Variants in VLDLR observed in about 807,000 individuals in gnomAD.
VLDLR encodes the protein very low-density lipoprotein receptor.
In VLDLR, 81 loss-of-function variants were observed where a neutral mutation model predicts 112.7. The observed-to-expected ratio is 0.72, with a 90% CI of 0.60 to 0.86. The LOEUF (loss-of-function observed/expected upper bound fraction) is 0.86, where lower values mean the gene tolerates loss of function less well. Ranked by LOEUF, VLDLR falls within the 40% of genes least tolerant of loss-of-function variation. The probability of loss-of-function intolerance (pLI) is 0.00; values close to 1 mark genes in which losing one functional copy is unlikely to be tolerated. For synonymous variants in VLDLR, 436 were observed against 384.8 expected, an observed-to-expected ratio of 1.13 and a Z score of -1.56; for missense variants, 1,237 against 1,099.4, an observed-to-expected ratio of 1.13 and a Z score of -1.77.
At chr9:2,646,926 G>A (rs942628626) in intron 11 of VLDLR, among the ~76,000 whole-genome samples, 4 of 152,174 alleles carry the variant, frequency 2.6e-5, no homozygotes, top group South Asian at 2.1e-4. Flanking sequence ...AAACCTAAAC[G>A]ACAGCCTGAA....
intron 1 of VLDLR, among the ~76,000 whole-genome samples, chr9:2,631,539 A>G (rs139962383): frequency 1.7e-4 from 26 of 152,326 alleles, no homozygotes; most frequent in African/African-American, 6.3e-4. Flanking sequence ...GGAGGTCATT[A>G]TGCTAAGGGA....
intron 2 of VLDLR, among the ~76,000 whole-genome samples, chr9:2,637,025 G>C (rs1817622103): frequency 6.6e-6 from 1 of 152,156 alleles, no homozygotes; most frequent in Non-Finnish European, 1.5e-5. Context: ...CACATGGTAG[G>C]AGAGTTTGGC....
chr9:2,638,429 T>C (rs1427657879), intron 2 of VLDLR, among the ~76,000 whole-genome samples: 2 of 152,228 alleles, frequency 1.3e-5, no homozygotes, highest in Middle Eastern at 3.2e-3. Flanking sequence ...GTTCATCAAA[T>C]TGTGAATTTT....
rs749973924 is a variant in VLDLR, at chr9:2,641,458, G to A, written c.407G>A (p.Gly136Asp). ...QCIPVSWRCD[G>D]ENDCDSGEDE... is the part of the protein sequence containing the mutation. ...ATCCCAGTGTCCTGGAGATGTGATG[G>A]TGAAAATGATTGTGACAGTGGAGAA... Residue 136 changes from glycine (G) to aspartate (D), a missense_variant, in exon 4 of 19, where the codon GGT (glycine) becomes GAT (aspartate). Coordinates refer to ENST00000382100, the MANE Select transcript of VLDLR (RefSeq NM_003383.5). The A allele has an allele frequency of 1.2e-6, 2 of 1,614,208 alleles. No individual in the cohort carries two copies. Among genetic ancestry groups the A allele is most frequent in the Non-Finnish European group, 1.7e-6 (2 of 1,180,034 alleles).
At chr9:2,652,629 C>A in intron 17 of VLDLR, 151 bp from the exon 18 acceptor site, 2 of 1,045,654 alleles carry the variant, frequency 1.9e-6, no homozygotes, top group Admixed American at 2.1e-5. Context: ...AGCTCCTGGC[C>A]CATGTGTATT....
intron 15 of VLDLR, 75 bp from the exon 16 acceptor site, chr9:2,651,340 A>ATGGCT: frequency 7.7e-7 from 1 of 1,304,932 alleles, no homozygotes; most frequent in Non-Finnish European, 1.1e-6. Flanking sequence ...AACCTTTTAC[A>ATGGCT]TGGCTTGTCT....
intron 1 of VLDLR, among the ~76,000 whole-genome samples, chr9:2,633,882 G>C (rs1312019470): frequency 6.6e-6 from 1 of 152,162 alleles, no homozygotes; most frequent in Admixed American, 6.5e-5. Flanking sequence ...AGGTACCTCA[G>C]ATTTGGTTTA....
rs1021326219 is a variant in VLDLR at position 2,654,508 on chromosome 9, T to G, written c.*640T>G. Reference sequence around the variant, plus strand: ...ATGGTTTGTGCCTGTTCCTCTAGGATGAACTCCTATCCTGAGTAGTACCAA... The same window carrying G: ...ATGGTTTGTGCCTGTTCCTCTAGGAGGAACTCCTATCCTGAGTAGTACCAA... On this transcript the variant is annotated 3_prime_UTR_variant, in exon 19 of 19. Transcript: ENST00000382100. 4 of 158,116 alleles carry G rather than the reference T, an allele frequency of 2.5e-5. No individual in the cohort carries two copies. Among genetic ancestry groups the G allele is most frequent in the Non-Finnish European group, 5.6e-5 (4 of 71,294 alleles). 9.8% of individuals were successfully genotyped at this position (158,116 alleles called of 1,614,324 possible). A position where few individuals can be genotyped will look rare whatever the true frequency, so the allele number is the denominator to read the frequency against.
At chr9:2,640,813 G>C (rs1817791636) in intron 3 of VLDLR, among the ~76,000 whole-genome samples, 1 of 152,214 alleles carries the variant, frequency 6.6e-6, no homozygotes, top group African/African-American at 2.4e-5. Flanking sequence ...GTGAGTTCAA[G>C]GCCTGTGAGC....
In VLDLR at chr9:2,654,181, A is replaced by G; in HGVS notation, c.*313A>G. ...ATATTCCAGCAGTGAAACTTGTGCT[A>G]TAGTGTATACCACCTGTACATACAT... On this transcript the variant is annotated 3_prime_UTR_variant, in exon 19 of 19. Transcript: ENST00000382100. The G allele has an allele frequency of 2.4e-6, 1 of 408,342 alleles. No homozygotes were observed. Among genetic ancestry groups the G allele is most frequent in the Non-Finnish European group, 4.6e-6 (1 of 216,176 alleles). 25.3% of individuals were successfully genotyped at this position (408,342 alleles called of 1,614,324 possible). A position where few individuals can be genotyped will look rare whatever the true frequency, so the allele number is the denominator to read the frequency against.
chr9:2,635,680 T>A lies in VLDLR; in HGVS notation c.202+108T>A, dbSNP rs751207737. The A allele has an allele frequency of 2.3e-4, 357 of 1,538,760 alleles. 2 individuals are homozygous for A. Among genetic ancestry groups the A allele is most frequent in the Admixed American group, 4.9e-4 (29 of 59,044 alleles). On this transcript the variant is annotated intron_variant, in intron 2 of 18. Coordinates refer to ENST00000382100, the MANE Select transcript of VLDLR (RefSeq NM_003383.5). ...TAAAATCCACTTCTAACAATTGCTT[T>A]GAAAGAATCTATACTTCTCTGTGTA... is the stretch of plus-strand genomic sequence containing the variant.
chr9:2,632,770 C>T (rs1433270812), intron 1 of VLDLR, among the ~76,000 whole-genome samples: 1 of 152,112 alleles, frequency 6.6e-6, no homozygotes, highest in African/African-American at 2.4e-5. Context: ...TCTGAGCTCT[C>T]CCTCTCTGTG....
chr9:2,625,689 T>G (rs886628118), intron 1 of VLDLR, among the ~76,000 whole-genome samples: 1 of 152,236 alleles, frequency 6.6e-6, no homozygotes, highest in Non-Finnish European at 1.5e-5. Context: ...ATTGCTTAGT[T>G]TGGTCCCTAC....
In VLDLR at chr9:2,650,523, C is replaced by T. The variant is rs371699404; in HGVS notation, c.2251+7C>T. On this transcript the variant is annotated splice_region_variant and intron_variant, in intron 15 of 18. Transcript: ENST00000382100. Reference sequence around the variant, plus strand: ...AATGGCCGAGACTGTCAAAGTAAGGCATTTTGTGTTTCAACCACAAGTAGA... The same window carrying T: ...AATGGCCGAGACTGTCAAAGTAAGGTATTTTGTGTTTCAACCACAAGTAGA... The T allele has an allele frequency of 3.4e-5, 55 of 1,612,876 alleles. No homozygotes were observed. The highest frequency in any genetic ancestry group is 4.6e-5 in the Non-Finnish European group (54 of 1,179,928).
intron 14 of VLDLR, among the ~76,000 whole-genome samples, chr9:2,649,447 A>T (rs1029468867): frequency 3.3e-5 from 5 of 152,106 alleles, no homozygotes; most frequent in African/African-American, 1.2e-4. Context: ...GCTGGAGTGC[A>T]GTGGCACAAT....
Position 2,656,764 on chromosome 9 carries a change from G to A in VLDLR, c.*2896G>A, listed in dbSNP as rs1183527324. 1 of 151,776 alleles carries A rather than the reference G, an allele frequency of 6.6e-6. No individual in the cohort carries two copies. Among genetic ancestry groups the A allele is most frequent in the Non-Finnish European group, 1.5e-5 (1 of 67,968 alleles). 9.4% of individuals were successfully genotyped at this position (151,776 alleles called of 1,614,324 possible). A position where few individuals can be genotyped will look rare whatever the true frequency, so the allele number is the denominator to read the frequency against. ...ATGATAGATGAATAAACAGATTTGT[G>A]GCCTCTGGTAAAGAAATCCAGCCAA... On this transcript the variant is annotated 3_prime_UTR_variant, in exon 19 of 19. Coordinates refer to ENST00000382100, the MANE Select transcript of VLDLR (RefSeq NM_003383.5).
Position 2,643,607 on chromosome 9 carries a change from T to C in VLDLR, c.821-21T>C, listed in dbSNP as rs750441452. On this transcript the variant is annotated intron_variant, in intron 5 of 18. Transcript: ENST00000382100. ...GGGACAATTTGCTGGCTTCATTCCATGGTGTTTCCTCCCTTTGTAGCCTCT... is the reference window on the plus strand; with the variant it reads ...GGGACAATTTGCTGGCTTCATTCCACGGTGTTTCCTCCCTTTGTAGCCTCT... 4.3e-6 allele frequency: 7 copies of C among 1,614,092 alleles called. No homozygotes were observed. In the African/African-American group the frequency reaches 6.7e-5, roughly 15 times the overall value.
intron 11 of VLDLR, 74 bp from the exon 12 acceptor site, chr9:2,647,400 A>G (rs1037894996): frequency 1.1e-5 from 15 of 1,313,856 alleles, no homozygotes; most frequent in African/African-American, 8.7e-5. Context: ...CAAATTTTAA[A>G]TTTTTGTTTC....
intron 3 of VLDLR, among the ~76,000 whole-genome samples, 180 bp from the exon 4 acceptor site, chr9:2,641,197 G>A (rs1817805341): frequency 6.6e-6 from 1 of 152,184 alleles, no homozygotes; most frequent in African/African-American, 2.4e-5. Flanking sequence ...AGCATAGGTT[G>A]GCACAGCTTC....
Sources: gnomAD v4.1 joint callset for allele counts (sites outside exome capture counted in the v4.1 genomes callset) on GRCh38, gnomAD v4.1.1 for gene constraint, MANE v1.5 for transcripts, NCBI Gene and HGNC (gene_info 2026-07-23, HGNC 2026-07-21) for gene names.